BMP7: variants seen among roughly 807,000 people sequenced by gnomAD.
BMP7 encodes the protein bone morphogenetic protein 7.
BMP7 carries 12 observed loss-of-function variants against 41.2 expected under a neutral mutation model. The observed-to-expected ratio is 0.29, with a 90% CI of 0.19 to 0.47. The LOEUF (loss-of-function observed/expected upper bound fraction) is 0.47. Ranked by LOEUF, BMP7 falls within the 20% of genes least tolerant of loss-of-function variation. BMP7 has a pLI of 0.99. For missense variants in BMP7, 467 were observed against 606.0 expected (o/e 0.77, Z 2.41); for synonymous variants, 248 against 250.0 (o/e 0.99, Z 0.07).
At chr20:57,186,681 C>T (rs1310411172) in intron 3 of BMP7, among the ~76,000 whole-genome samples, 3 of 152,170 alleles carry the variant, frequency 2.0e-5, no homozygotes, top group Non-Finnish European at 4.4e-5. Context: ...CAGAGGCCAG[C>T]AAAAGCGATG....
In BMP7 at chr20:57,259,689, A is replaced by C. The variant is rs2066146438; in HGVS notation, c.418+6016T>G. 6.6e-6 allele frequency among the ~76,000 whole-genome samples: 1 copy of C among 152,204 alleles called. No homozygotes were observed. The highest frequency in any genetic ancestry group is 2.4e-5 in the African/African-American group (1 of 41,452). On this transcript the variant is annotated intron_variant, in intron 1 of 6. Transcript: ENST00000395863. The surrounding 1 kb of genome is among the most constrained non-coding windows in gnomAD (Gnocchi z 4.7). ...ATGCCTTCCGACACAAATGTTGAAAAGGCGGTATTGCACATGCTTGCCTGA... is the reference window on the plus strand; with the variant it reads ...ATGCCTTCCGACACAAATGTTGAAACGGCGGTATTGCACATGCTTGCCTGA...
At chr20:57,247,982 T>C (rs574703518) in intron 1 of BMP7, among the ~76,000 whole-genome samples, 3 of 152,334 alleles carry the variant, frequency 2.0e-5, no homozygotes, top group Non-Finnish European at 2.9e-5. Context: ...TAGAGTTCTA[T>C]ATAGTCCTCA....
At chr20:57,211,429 A>T (rs1044596262) in intron 2 of BMP7, among the ~76,000 whole-genome samples, 9 of 150,654 alleles carry the variant, frequency 6.0e-5, no homozygotes, top group Admixed American at 2.6e-4. Flanking sequence ...ACCATCAAAA[A>T]AAAGGAAAAC....
chr20:57,175,185 T>C (rs1461997351), intron 4 of BMP7, among the ~76,000 whole-genome samples, 178 bp from the exon 5 acceptor site: 4 of 152,218 alleles, frequency 2.6e-5, no homozygotes, highest in African/African-American at 9.6e-5. Context: ...AACTCATTTC[T>C]ACCCCCAGCA....
chr20:57,245,337 G>GT (rs914485457), intron 1 of BMP7, among the ~76,000 whole-genome samples: 173 of 143,330 alleles, frequency 1.2e-3, no homozygotes, highest in African/African-American at 3.9e-3. Context: ...AAAAAGTGGT[G>GT]TTTTTTTTTA....
In BMP7 at chr20:57,213,545, C is replaced by T. The variant is rs1000227383; in HGVS notation, c.612-10922G>A. On this transcript the variant is annotated intron_variant, in intron 2 of 6. Coordinates refer to ENST00000395863, the MANE Select transcript of BMP7 (RefSeq NM_001719.3). The surrounding 1 kb of genome is among the most constrained non-coding windows in gnomAD (Gnocchi z 4.4). ...CTGCTCCGGCAATGGAGCGCAGTAA[C>T]GAGCCGTTCAAACTTGTGTCAAGGT... Among the ~76,000 whole-genome samples, 2 of 152,186 alleles carry T rather than the reference C, an allele frequency of 1.3e-5. No homozygotes were observed. Among genetic ancestry groups the T allele is most frequent in the African/African-American group, 4.8e-5 (2 of 41,444 alleles).
rs139954635 is a variant in BMP7 at position 57,261,641 on chromosome 20, G to C, written c.418+4064C>G. 5.2e-3 allele frequency among the ~76,000 whole-genome samples: 789 copies of C among 152,278 alleles called. 5 individuals are homozygous for C. The highest frequency in any genetic ancestry group is 8.4e-3 in the Non-Finnish European group (568 of 68,018). On this transcript the variant is annotated intron_variant, in intron 1 of 6. Transcript: ENST00000395863. This position sits in a 1 kb window ranked among gnomAD's most constrained non-coding sequence, Gnocchi z 4.1. ...AAGGCGCTCTGCAGAAAGAAAGAAG[G>C]GGGGAGCTGTGTGACATCTATATTA... is the stretch of plus-strand genomic sequence containing the variant.
chr20:57,201,595 A>G (rs759232435), intron 3 of BMP7, among the ~76,000 whole-genome samples: 6 of 152,258 alleles, frequency 3.9e-5, no homozygotes, highest in South Asian at 4.1e-4. Context: ...AGTGTTACAC[A>G]TGTATTGTTC....
chr20:57,264,973 G>T (rs1188621820), intron 1 of BMP7, among the ~76,000 whole-genome samples: 1 of 136,162 alleles, frequency 7.3e-6, no homozygotes, highest in Admixed American at 8.9e-5. Context: ...AGAGGTTGCG[G>T]TGAGCAGAGA....
intron 3 of BMP7, among the ~76,000 whole-genome samples, chr20:57,187,703 C>T (rs1374722860): frequency 6.6e-6 from 1 of 152,176 alleles, no homozygotes; most frequent in Non-Finnish European, 1.5e-5. Context: ...GACCGGGTCT[C>T]TCCTGACATT....
At chr20:57,210,197 G>A (rs763174523) in intron 2 of BMP7, among the ~76,000 whole-genome samples, 27 of 152,304 alleles carry the variant, frequency 1.8e-4, no homozygotes, top group Admixed American at 9.8e-4. Flanking sequence ...CAATGCCGCC[G>A]CACTAAGAGG....
In BMP7 at chr20:57,214,301, A is replaced by G. The variant is rs570637652; in HGVS notation, c.612-11678T>C. On this transcript the variant is annotated intron_variant, in intron 2 of 6. Transcript: ENST00000395863. This position sits in a 1 kb window ranked among gnomAD's most constrained non-coding sequence, Gnocchi z 4.0. ...TCCCCTTCCACTCTTCTCACCCCGC[A>G]CTCCCCCTGCCCCAGCAGCTTGCAG... 1.6e-4 allele frequency among the ~76,000 whole-genome samples: 24 copies of G among 150,838 alleles called. No homozygotes were observed. The East Asian group carries it at 3.7e-3, about 23-fold the overall frequency.
chr20:57,263,472 G>A (rs1304855119), intron 1 of BMP7, among the ~76,000 whole-genome samples: 2 of 152,196 alleles, frequency 1.3e-5, no homozygotes, highest in Non-Finnish European at 2.9e-5. Context: ...CTTTCTCTTG[G>A]GGACAGGGAG....
intron 1 of BMP7, among the ~76,000 whole-genome samples, chr20:57,262,382 A>G (rs1225064220): frequency 6.6e-6 from 1 of 152,184 alleles, no homozygotes; most frequent in Non-Finnish European, 1.5e-5. Context: ...CTCAGTTCAC[A>G]TTGCCTGGGG....
intron 1 of BMP7, among the ~76,000 whole-genome samples, chr20:57,257,040 CT>C (rs2066136760): frequency 6.6e-6 from 1 of 152,152 alleles, no homozygotes; most frequent in African/African-American, 2.4e-5. Flanking sequence ...ATTATCTTTC[CT>C]TCTGGCACCT....
In BMP7 at chr20:57,265,768, C is replaced by A; in HGVS notation, c.355G>T (p.Ala119Ser). ...AVFSTQGPPL[A>S]SLQDSHFLTD... is the part of the protein sequence containing the mutation. Reference sequence around the variant, plus strand: ...AGGAAATGGCTATCTTGCAGGCTGGCCAGAGGGGGGCCCTGGGTACTGAAG... The same window carrying A: ...AGGAAATGGCTATCTTGCAGGCTGGACAGAGGGGGGCCCTGGGTACTGAAG... Residue 119 changes from alanine (A) to serine (S), a missense_variant, in exon 1 of 7, where the codon GCC becomes TCC. Around this residue, in one of 2 missense-constraint regions of BMP7, gnomAD observed 407 missense variants for 485.9 expected, o/e 0.84. Coordinates refer to ENST00000395863, the MANE Select transcript of BMP7 (RefSeq NM_001719.3). 1 of 1,610,900 alleles carries A rather than the reference C, an allele frequency of 6.2e-7. No homozygotes were observed. The highest frequency in any genetic ancestry group is 8.5e-7 in the Non-Finnish European group (1 of 1,178,754).
chr20:57,230,968 C>T (rs1176725792), intron 1 of BMP7, among the ~76,000 whole-genome samples: 5 of 152,278 alleles, frequency 3.3e-5, no homozygotes, highest in East Asian at 1.9e-4. Flanking sequence ...TGAGCCACCA[C>T]GCCTGGCCGT....
chr20:57,251,497 T>G (rs2066113495), intron 1 of BMP7, among the ~76,000 whole-genome samples: 1 of 152,226 alleles, frequency 6.6e-6, no homozygotes, highest in Non-Finnish European at 1.5e-5. Flanking sequence ...TGCCTCATGT[T>G]AAAGATGCAG....
At chr20:57,251,000 G>C (rs1341905845) in intron 1 of BMP7, among the ~76,000 whole-genome samples, 1 of 152,196 alleles carries the variant, frequency 6.6e-6, no homozygotes, top group Admixed American at 6.5e-5. Flanking sequence ...CGTGCCCACT[G>C]CCTGCTCTGG....
Sources: gnomAD v4.1 joint callset for allele counts (sites outside exome capture counted in the v4.1 genomes callset) on GRCh38, gnomAD v4.1.1 for gene constraint, gnomAD v4.1.1 regional missense constraint, Gnocchi (gnomAD v3.1) non-coding constraint, MANE v1.5 for transcripts, NCBI Gene and HGNC (gene_info 2026-07-23, HGNC 2026-07-21) for gene names.